Variants in FOXN2 observed in about 807,000 individuals in gnomAD.
FOXN2 encodes the protein forkhead box N2, also known as forkhead box protein N2.
FOXN2 carries 19 observed loss-of-function variants against 41.2 expected under a neutral mutation model. That is an observed-to-expected ratio of 0.46 (90% confidence interval 0.32 to 0.68). FOXN2 has a LOEUF of 0.68. Ranked by LOEUF, FOXN2 falls within the 30% of genes least tolerant of loss-of-function variation. FOXN2 has a pLI of 0.03. For synonymous variants in FOXN2, 195 were observed against 176.8 expected, an observed-to-expected ratio of 1.10 and a Z score of -0.82; for missense variants, 587 against 509.4, an observed-to-expected ratio of 1.15 and a Z score of -1.47.
chr2:48,335,176 A>G (rs1409362400), intron 2 of FOXN2, among the ~76,000 whole-genome samples: 1 of 152,250 alleles, frequency 6.6e-6, no homozygotes, highest in Non-Finnish European at 1.5e-5. Flanking sequence ...TTTTGGAATT[A>G]TCAGATGTAA....
Position 48,374,906 on chromosome 2 carries a change from T to C in FOXN2, c.773-14T>C, listed in dbSNP as rs201464605. 5.4e-5 allele frequency: 86 copies of C among 1,582,688 alleles called. 1 individual carries two copies. In the East Asian group the frequency reaches 1.5e-3, roughly 29 times the overall value. ...ACACATTTGACCTATTGATGGAACT[T>C]TTATTTTCCACAGGTGAGAAGCCTC... On this transcript the variant is annotated splice_polypyrimidine_tract_variant and intron_variant, in intron 6 of 6. Coordinates refer to ENST00000340553, the MANE Select transcript of FOXN2 (RefSeq NM_002158.4).
chr2:48,324,194 A>ATTTTTTTTTT (rs11407371), intron 1 of FOXN2, among the ~76,000 whole-genome samples: 2 of 132,360 alleles, frequency 1.5e-5, no homozygotes, highest in Non-Finnish European at 1.6e-5. Flanking sequence ...TTGCTCAGTA[A>ATTTTTTTTTT]TTTTTTTTTT....
intron 1 of FOXN2, among the ~76,000 whole-genome samples, chr2:48,323,439 G>A (rs62138810): frequency 0.19 from 29,486 of 152,100 alleles, 3,347 homozygotes; most frequent in South Asian, 0.38. Flanking sequence ...TCTGACTGGT[G>A]TAAGATGGTA....
At chr2:48,374,557 A>G (rs555728994) in intron 6 of FOXN2, among the ~76,000 whole-genome samples, 1 of 152,294 alleles carries the variant, frequency 6.6e-6, no homozygotes, top group South Asian at 2.1e-4. Context: ...ATATTCAAGA[A>G]AAGGCATCCA....
At position 48,373,308 on chromosome 2, in the gene FOXN2, T is replaced by C; in HGVS notation, c.720T>C (p.Ala240=). Residue 240 remains alanine, a synonymous_variant, in exon 6 of 7, where the codon GCT becomes GCC. Transcript: ENST00000340553. ...CCTTTTCAGAATCTGATATTGATGC[T>C]GCTGCTGCAATGATGCTTTTAAATA... ...VRNLKESDID[A]AAAMMLLNTS... 1 of 1,593,544 alleles carries C rather than the reference T, an allele frequency of 6.3e-7. No homozygotes were observed. Among genetic ancestry groups the C allele is most frequent in the Non-Finnish European group, 8.6e-7 (1 of 1,169,326 alleles).
At chr2:48,360,979 A>G (rs552237562) in intron 4 of FOXN2, among the ~76,000 whole-genome samples, 1 of 149,764 alleles carries the variant, frequency 6.7e-6, no homozygotes, top group African/African-American at 2.5e-5. Context: ...GTGCTACTGC[A>G]CTCCAGCCTG....
chr2:48,375,277 A>G lies in FOXN2; in HGVS notation c.1130A>G (p.Glu377Gly), dbSNP rs761311561. ...YASQPCAKIS[E>G]KGQSGKKMRK... ...TCACAGCCTTGTGCAAAAATCTCTG[A>G]AAAAGGGCAGTCAGGCAAAAAGATG... is the stretch of plus-strand genomic sequence containing the variant. Residue 377 changes from glutamate to glycine, a missense_variant, in exon 7 of 7, where the codon GAA becomes GGA. Transcript: ENST00000340553. 12 of 1,614,056 alleles carry G rather than the reference A, an allele frequency of 7.4e-6. No individual in the cohort carries two copies. The South Asian group carries it at 1.1e-4, about 15-fold the overall frequency.
intron 3 of FOXN2, among the ~76,000 whole-genome samples, chr2:48,352,171 T>G (rs556670795): frequency 6.6e-6 from 1 of 152,318 alleles, no homozygotes; most frequent in East Asian, 1.9e-4. Context: ...GGGCAATATA[T>G]TACCTTAAAC....
rs187111954 is a variant in FOXN2, at chr2:48,364,342, C to T, written c.703+1635C>T. On this transcript the variant is annotated intron_variant, in intron 5 of 6. Coordinates refer to ENST00000340553, the MANE Select transcript of FOXN2 (RefSeq NM_002158.4). Reference sequence around the variant, plus strand: ...TCCTGGGCTTAAGCCATCTTCCCACCTTAGCCTCCCAAGTAGCTAGGACTA... The same window carrying T: ...TCCTGGGCTTAAGCCATCTTCCCACTTTAGCCTCCCAAGTAGCTAGGACTA... Among the ~76,000 whole-genome samples, 48 of 152,228 alleles carry T rather than the reference C, an allele frequency of 3.2e-4. 1 individual carries two copies. In the Middle Eastern group the frequency reaches 0.01, roughly 32 times the overall value.
chr2:48,313,908 C>T (rs558368200), upstream of FOXN2, among the ~76,000 whole-genome samples: 1 of 152,298 alleles, frequency 6.6e-6, no homozygotes, highest in South Asian at 2.1e-4. Flanking sequence ...AATGAGCTCT[C>T]CTGTATTTCG....
intron 2 of FOXN2, among the ~76,000 whole-genome samples, chr2:48,333,590 C>T (rs993749035): frequency 4.6e-5 from 7 of 151,980 alleles, no homozygotes; most frequent in African/African-American, 1.7e-4. Context: ...AGCTCTTTAC[C>T]CTTATTAAGA....
At chr2:48,355,606 G>A (rs72820424) in intron 3 of FOXN2, among the ~76,000 whole-genome samples, 20,402 of 151,914 alleles carry the variant, frequency 0.13, 1,674 homozygotes, top group East Asian at 0.45. Flanking sequence ...CAGAATGACA[G>A]TATTTTTCTT....
intron 3 of FOXN2, among the ~76,000 whole-genome samples, chr2:48,353,506 T>G (rs58012056): frequency 0.23 from 34,308 of 151,168 alleles, 4,256 homozygotes; most frequent in East Asian, 0.45. Flanking sequence ...AGGGAAGATA[T>G]GAGAGCTCTC....
chr2:48,341,018 G>C (rs1369147900), intron 2 of FOXN2, among the ~76,000 whole-genome samples: 4 of 152,118 alleles, frequency 2.6e-5, no homozygotes, highest in East Asian at 3.9e-4. Context: ...GATTAAGCTA[G>C]TTATACTCCT....
At chr2:48,366,777 AG>A (rs1409242809) in intron 5 of FOXN2, among the ~76,000 whole-genome samples, 4 of 152,072 alleles carry the variant, frequency 2.6e-5, no homozygotes, top group African/African-American at 9.6e-5. Flanking sequence ...ACAACTAGTA[AG>A]TGGCAAAGAA....
Position 48,335,291 on chromosome 2 carries a change from A to C in FOXN2, c.-15+6589A>C, listed in dbSNP as rs535802978. ...AGAAGTTTTAGAAATGAAAATAGTA[A>C]TTGAAATTAAAATTCAGTGGATAGG... On this transcript the variant is annotated intron_variant, in intron 2 of 6. Coordinates refer to ENST00000340553, the MANE Select transcript of FOXN2 (RefSeq NM_002158.4). Among the ~76,000 whole-genome samples, 176 of 152,346 alleles carry C rather than the reference A, an allele frequency of 1.2e-3. 5 individuals are homozygous for C. In the South Asian group the frequency reaches 0.034, roughly 29 times the overall value.
intron 3 of FOXN2, among the ~76,000 whole-genome samples, chr2:48,355,575 A>T (rs1347509636): frequency 6.6e-6 from 1 of 151,990 alleles, no homozygotes; most frequent in African/African-American, 2.4e-5. Flanking sequence ...TTAATTTATG[A>T]AATGTTTCTT....
intron 2 of FOXN2, 38 bp downstream of exon 2, chr2:48,328,740 C>T (rs1314021388): frequency 3.3e-5 from 5 of 151,980 alleles, no homozygotes; most frequent in African/African-American, 9.7e-5. Flanking sequence ...TATTTTTGCT[C>T]TTTGATTTCT....
Position 48,353,945 on chromosome 2 carries a change from T to C in FOXN2, c.538-5102T>C, listed in dbSNP as rs187868796. Reference sequence around the variant, plus strand: ...CAGTGTCATTGTTTGCTATTGTTTATGCATTTAGAATTTCCTTAGTGATTT... The same window carrying C: ...CAGTGTCATTGTTTGCTATTGTTTACGCATTTAGAATTTCCTTAGTGATTT... On this transcript the variant is annotated intron_variant, in intron 3 of 6. Transcript: ENST00000340553. Among the ~76,000 whole-genome samples, 1,064 of 152,334 alleles carry C rather than the reference T, an allele frequency of 7.0e-3. 3 individuals are homozygous for C. Among genetic ancestry groups the C allele is most frequent in the Middle Eastern group, 0.01 (3 of 294 alleles).
Sources: gnomAD v4.1 joint callset for allele counts (sites outside exome capture counted in the v4.1 genomes callset) on GRCh38, gnomAD v4.1.1 for gene constraint, MANE v1.5 for transcripts, NCBI Gene and HGNC (gene_info 2026-07-23, HGNC 2026-07-21) for gene names.